Variants in IL1RAPL1 observed in about 807,000 individuals in gnomAD.
IL1RAPL1 encodes the protein interleukin-1 receptor accessory protein-like 1.
IL1RAPL1 carries 3 observed loss-of-function variants against 48.4 expected under a neutral mutation model. The observed-to-expected ratio is 0.06, with a 90% CI of 0.03 to 0.16. The LOEUF (loss-of-function observed/expected upper bound fraction) is 0.16, where lower values mean the gene tolerates loss of function less well. Ranked by LOEUF, IL1RAPL1 falls within the 10% of genes least tolerant of loss-of-function variation. The pLI, the probability that IL1RAPL1 is intolerant of heterozygous loss-of-function variation, is 1.00. For missense variants in IL1RAPL1, 349 were observed against 530.6 expected, an observed-to-expected ratio of 0.66 and a Z score of 3.36; for synonymous variants, 185 against 187.7, an observed-to-expected ratio of 0.99 and a Z score of 0.12.
At chrX:28,871,494 G>A (rs1601939164) in intron 2 of IL1RAPL1, among the ~76,000 whole-genome samples, 1 of 111,973 alleles carries the variant, frequency 8.9e-6, no homozygotes, top group African/African-American at 3.2e-5. Context: ...AGATAAAACA[G>A]TGTGCTTCCA....
intron 6 of IL1RAPL1, among the ~76,000 whole-genome samples, chrX:29,916,032 G>A (rs1220148361): frequency 9.9e-6 from 1 of 100,654 alleles, no homozygotes; most frequent in Non-Finnish European, 2.0e-5. Flanking sequence ...AGTTTACTGA[G>A]AATGATGGTT....
intron 3 of IL1RAPL1, among the ~76,000 whole-genome samples, chrX:29,326,031 C>A: frequency 8.9e-6 from 1 of 112,086 alleles, no homozygotes; most frequent in East Asian, 2.8e-4. Flanking sequence ...TAGGCCCCAT[C>A]TCCAACATTG....
chrX:29,764,710 T>C (rs1024256146), intron 6 of IL1RAPL1, among the ~76,000 whole-genome samples: 2 of 112,334 alleles, frequency 1.8e-5, no homozygotes, highest in African/African-American at 6.5e-5. Flanking sequence ...TATTTAGCTG[T>C]AGTGTTGAAA....
rs1229799178 is a variant in IL1RAPL1, at chrX:28,670,705, A to G, written c.-25+82658A>G. On this transcript the variant is annotated intron_variant, in intron 1 of 10. Transcript: ENST00000378993. ...CAACTTCCTTATAAGAAACAGCTCCATATGATAACTTTTATAAAATAGACT... is the reference window on the plus strand; with the variant it reads ...CAACTTCCTTATAAGAAACAGCTCCGTATGATAACTTTTATAAAATAGACT... Among the ~76,000 whole-genome samples, 3 of 112,376 alleles carry G rather than the reference A, an allele frequency of 2.7e-5. No individual in the cohort carries two copies. The South Asian group carries it at 1.1e-3, about 41-fold the overall frequency.
intron 1 of IL1RAPL1, among the ~76,000 whole-genome samples, chrX:28,730,303 G>A (rs955484887): frequency 7.2e-5 from 8 of 111,207 alleles, no homozygotes; most frequent in Admixed American, 2.9e-4. Flanking sequence ...TTTTTTACAC[G>A]TTGAGCATTG....
chrX:29,787,685 C>T (rs1929532283), intron 6 of IL1RAPL1, among the ~76,000 whole-genome samples: 1 of 111,736 alleles, frequency 8.9e-6, no homozygotes, highest in Admixed American at 9.5e-5. Context: ...GTTTCTTTAC[C>T]ATTAAGACCT....
At chrX:28,838,315 A>C (rs1370203185) in intron 2 of IL1RAPL1, among the ~76,000 whole-genome samples, 1 of 111,306 alleles carries the variant, frequency 9.0e-6, no homozygotes, top group Non-Finnish European at 1.9e-5. Flanking sequence ...TAGGTCTTGT[A>C]ATTCCCTGGC....
intron 5 of IL1RAPL1, among the ~76,000 whole-genome samples, chrX:29,503,000 A>G (rs1014670939): frequency 3.6e-5 from 4 of 110,916 alleles, no homozygotes; most frequent in East Asian, 2.8e-4. Context: ...CACATTTTCT[A>G]TTTCTTCATA....
At chrX:29,125,315 T>C (rs1484056838) in intron 2 of IL1RAPL1, among the ~76,000 whole-genome samples, 1 of 112,301 alleles carries the variant, frequency 8.9e-6, no homozygotes, top group Non-Finnish European at 1.9e-5. Context: ...TTGTAGATTT[T>C]AGTTGTTAAA....
At chrX:29,772,337 C>G (rs1271526373) in intron 6 of IL1RAPL1, among the ~76,000 whole-genome samples, 1 of 110,285 alleles carries the variant, frequency 9.1e-6, no homozygotes, top group Non-Finnish European at 1.9e-5. Context: ...ATGATAGAAT[C>G]TGACCAAAGA....
intron 6 of IL1RAPL1, among the ~76,000 whole-genome samples, chrX:29,832,741 C>T (rs776218724): frequency 9.9e-6 from 1 of 100,906 alleles, no homozygotes; most frequent in Non-Finnish European, 2.0e-5. Context: ...GGGACACACA[C>T]ACACTGAACA....
chrX:29,758,841 T>C (rs977966276), intron 6 of IL1RAPL1, among the ~76,000 whole-genome samples: 3 of 111,399 alleles, frequency 2.7e-5, no homozygotes, highest in Non-Finnish European at 5.6e-5. Context: ...GTGTTTCACA[T>C]TGTTCTGAAG....
intron 6 of IL1RAPL1, among the ~76,000 whole-genome samples, chrX:29,811,874 A>G (rs1930388072): frequency 8.9e-6 from 1 of 111,781 alleles, no homozygotes; most frequent in Admixed American, 9.6e-5. Flanking sequence ...TTCATTTATA[A>G]TTTCACTTTC....
chrX:29,060,216 A>G (rs950283879), intron 2 of IL1RAPL1, among the ~76,000 whole-genome samples: 4 of 111,896 alleles, frequency 3.6e-5, no homozygotes, highest in African/African-American at 9.7e-5. Context: ...TTTTGAGTTC[A>G]TAAAGCCATA....
chrX:29,136,015 G>T (rs1174037104), intron 2 of IL1RAPL1, among the ~76,000 whole-genome samples: 1 of 111,988 alleles, frequency 8.9e-6, no homozygotes, highest in East Asian at 2.8e-4. Flanking sequence ...GGCATTACAG[G>T]CATGAGCCAC....
intron 1 of IL1RAPL1, among the ~76,000 whole-genome samples, chrX:28,707,495 A>G (rs1449198795): frequency 8.9e-6 from 1 of 112,329 alleles, no homozygotes; most frequent in East Asian, 2.8e-4. Flanking sequence ...TTAGTACTCC[A>G]GAAACATCTC....
chrX:28,756,763 T>C (rs1312266913), intron 1 of IL1RAPL1, among the ~76,000 whole-genome samples: 1 of 112,086 alleles, frequency 8.9e-6, no homozygotes, highest in Non-Finnish European at 1.9e-5. Context: ...TGCTGCATGA[T>C]GTGTACCCTG....
At chrX:29,754,098 T>A (rs1176163500) in intron 6 of IL1RAPL1, among the ~76,000 whole-genome samples, 1 of 111,691 alleles carries the variant, frequency 9.0e-6, no homozygotes, top group Non-Finnish European at 1.9e-5. Flanking sequence ...GCTTTTCATT[T>A]TATGTGCTGT....
At chrX:29,166,953 C>T (rs1929797388) in intron 2 of IL1RAPL1, among the ~76,000 whole-genome samples, 1 of 112,319 alleles carries the variant, frequency 8.9e-6, no homozygotes, top group South Asian at 3.6e-4. Context: ...GCTTTTTCTT[C>T]AAAGACTGGG....
Sources: gnomAD v4.1 joint callset for allele counts (sites outside exome capture counted in the v4.1 genomes callset) on GRCh38, gnomAD v4.1.1 for gene constraint, MANE v1.5 for transcripts, NCBI Gene and HGNC (gene_info 2026-07-23, HGNC 2026-07-21) for gene names.